BCLAF1: variants seen among roughly 807,000 people sequenced by gnomAD.
BCLAF1 encodes the protein BCL2 associated transcription factor 1, also known as bcl-2-associated transcription factor 1.
In BCLAF1, 10 loss-of-function variants were observed where a neutral mutation model predicts 99.5. That is an observed-to-expected ratio of 0.10 (90% CI 0.06 to 0.17). The LOEUF (loss-of-function observed/expected upper bound fraction) is 0.17, where lower values mean the gene tolerates loss of function less well. BCLAF1 is among the 10% of genes least tolerant of loss of function. The pLI, the probability that BCLAF1 is intolerant of heterozygous loss-of-function variation, is 1.00. For missense variants in BCLAF1, 636 were observed against 1,105.8 expected (o/e 0.58, Z 6.02); for synonymous variants, 255 against 370.9 (o/e 0.69, Z 3.59).
chr6:136,284,000 C>G (rs1296842924), intron 1 of BCLAF1, among the ~76,000 whole-genome samples: 1 of 151,764 alleles, frequency 6.6e-6, no homozygotes, highest in Admixed American at 6.6e-5. Flanking sequence ...TAAAACTATT[C>G]TGACCTGGAA....
chr6:136,269,400 G>C lies in BCLAF1; in HGVS notation c.2219+37C>G, dbSNP rs772746385. On this transcript the variant is annotated intron_variant, in intron 9 of 12. Transcript: ENST00000531224. ...GCTGACAATTATTAAAGGCTAATTA[G>C]AAGCTAAAACCTATCTTAGTCAGTT... 21 of 1,585,720 alleles carry C rather than the reference G, an allele frequency of 1.3e-5. No individual in the cohort carries two copies. In the South Asian group the frequency reaches 2.4e-4, roughly 18 times the overall value.
rs189179901 is a variant in BCLAF1 at position 136,276,010 on chromosome 6, G to C, written c.1515C>G (p.Leu505=). The C allele has an allele frequency of 6.2e-7, 1 of 1,610,742 alleles. No individual in the cohort carries two copies. The highest frequency in any genetic ancestry group is 1.3e-5 in the African/African-American group (1 of 74,508). Residue 505 remains leucine (L), a synonymous_variant, in exon 5 of 13, where the codon CTC becomes CTG. Transcript: ENST00000531224. ...QSPEQVKSEK[L]KDLFDYSPPL... ...GGGGACTGTAATCAAAGAGGTCTTT[G>C]AGCTTTTCAGACTTTACCTGCTCAG...
Position 136,282,005 on chromosome 6 carries a change from A to C in BCLAF1, c.-11+579T>G, listed in dbSNP as rs1484704365. 2.0e-5 allele frequency among the ~76,000 whole-genome samples: 3 copies of C among 152,236 alleles called. No individual in the cohort carries two copies. In the East Asian group the frequency reaches 5.8e-4, roughly 29 times the overall value. Reference sequence around the variant, plus strand: ...ATGCCTATCAAATAGTTAGCAGTCCAAAAGAAATGGATTGATATCTTCTGC... The same window carrying C: ...ATGCCTATCAAATAGTTAGCAGTCCCAAAGAAATGGATTGATATCTTCTGC... On this transcript the variant is annotated intron_variant, in intron 2 of 12. Transcript: ENST00000531224.
intron 9 of BCLAF1, chr6:136,268,567 A>T (rs1196488718): frequency 2.2e-6 from 1 of 463,620 alleles, no homozygotes; most frequent in Non-Finnish European, 3.8e-6. Context: ...GTTAGAAAAT[A>T]GTAGTCTGTA....
intron 6 of BCLAF1, 162 bp from the exon 7 acceptor site, chr6:136,273,349 T>C (rs550399023): frequency 1.0e-5 from 6 of 593,738 alleles, no homozygotes; most frequent in Admixed American, 6.7e-5. Flanking sequence ...CAATTTCTTG[T>C]ACCTCAACAG....
intron 3 of BCLAF1, 120 bp from the exon 4 acceptor site, chr6:136,278,896 A>C: frequency 3.9e-6 from 4 of 1,033,668 alleles, no homozygotes; most frequent in Non-Finnish European, 5.3e-6. Flanking sequence ...CTTTTTTAAA[A>C]AACTCATCTG....
In BCLAF1 at chr6:136,257,744, T is replaced by TGC. The variant is rs1385589114; in HGVS notation, c.*3364_*3365dup. On this transcript the variant is annotated 3_prime_UTR_variant, in exon 13 of 13. Transcript: ENST00000531224. ...TGACAATGAAGTTTATTCCTCCATT[T>TGC]GCCTTTCCTCTTCAACTCTGTAAAT... is the stretch of plus-strand genomic sequence containing the variant. The TGC allele has an allele frequency of 6.6e-6, 1 of 152,164 alleles. No homozygotes were observed. The highest frequency in any genetic ancestry group is 2.4e-5 in the African/African-American group (1 of 41,464). The allele number at this position is 152,164 out of a possible 1,614,324, so 9.4% of individuals were successfully genotyped here.
At chr6:136,261,572 T>C in intron 11 of BCLAF1, 95 bp from the exon 12 acceptor site, 1 of 1,277,362 alleles carries the variant, frequency 7.8e-7, no homozygotes, top group South Asian at 1.4e-5. Context: ...TTCTGAAGAT[T>C]GGGTATATGA....
rs1364309325 is a variant in BCLAF1 at position 136,256,676 on chromosome 6, T to TAAATA, written c.*4429_*4433dup. On this transcript the variant is annotated 3_prime_UTR_variant, in exon 13 of 13. Coordinates refer to ENST00000531224, the MANE Select transcript of BCLAF1 (RefSeq NM_014739.3). ...CTGGGTAAGACTCCATCTCAATAAA[T>TAAATA]AAATAAATAAATAAATAAATAAATA... 3.3e-5 allele frequency: 5 copies of TAAATA among 150,582 alleles called. No homozygotes were observed. The highest frequency in any genetic ancestry group is 6.6e-5 in the Non-Finnish European group (5 of 75,752). The allele number at this position is 150,582 out of a possible 1,614,324, so 9.3% of individuals were successfully genotyped here. A position where few individuals can be genotyped will look rare whatever the true frequency, so the allele number is the denominator to read the frequency against.
In BCLAF1 at chr6:136,273,309, A is replaced by G. The variant is rs1379296861; in HGVS notation, c.1853-122T>C. ...AAAATAAGAAACCTAGCAAAAGAGA[A>G]TCAAGTGTTACAAGGAACTCCTACC... On this transcript the variant is annotated intron_variant, in intron 6 of 12. Coordinates refer to ENST00000531224, the MANE Select transcript of BCLAF1 (RefSeq NM_014739.3). The G allele has an allele frequency of 1.4e-4, 113 of 817,594 alleles. 1 individual carries two copies. In the East Asian group the frequency reaches 2.8e-3, roughly 21 times the overall value. 50.6% of individuals were successfully genotyped at this position (817,594 alleles called of 1,614,324 possible). A position where few individuals can be genotyped will look rare whatever the true frequency, so the allele number is the denominator to read the frequency against.
In BCLAF1 at chr6:136,260,700, C is replaced by T. The variant is rs1480766784; in HGVS notation, c.*410G>A. On this transcript the variant is annotated 3_prime_UTR_variant, in exon 13 of 13. Transcript: ENST00000531224. ...ATACAGTTAAAATAATTAGTGTAGTCTCTATAAACAATTTCTGTTCCAGGA... is the reference window on the plus strand; with the variant it reads ...ATACAGTTAAAATAATTAGTGTAGTTTCTATAAACAATTTCTGTTCCAGGA... 4.4e-6 allele frequency: 1 copy of T among 228,772 alleles called. No homozygotes were observed. Among genetic ancestry groups the T allele is most frequent in the Non-Finnish European group, 8.4e-6 (1 of 119,208 alleles). 14.2% of individuals were successfully genotyped at this position (228,772 alleles called of 1,614,324 possible). A position where few individuals can be genotyped will look rare whatever the true frequency, so the allele number is the denominator to read the frequency against.
At chr6:136,261,583 G>A in intron 11 of BCLAF1, 106 bp from the exon 12 acceptor site, 1 of 1,150,578 alleles carries the variant, frequency 8.7e-7, no homozygotes, top group Admixed American at 2.4e-5. Context: ...GGGTATATGA[G>A]ATTGGTAATA....
rs1780514641 is a variant in BCLAF1, at chr6:136,257,047, T to G, written c.*4063A>C. On this transcript the variant is annotated 3_prime_UTR_variant, in exon 13 of 13. Transcript: ENST00000531224. Reference sequence around the variant, plus strand: ...GGCAGAGCTCATTATTAATGAAATCTGGAAGCTGGCCAACCCCAAAAGATT... The same window carrying G: ...GGCAGAGCTCATTATTAATGAAATCGGGAAGCTGGCCAACCCCAAAAGATT... The G allele has an allele frequency of 6.6e-6, 1 of 152,200 alleles. No homozygotes were observed. The highest frequency in any genetic ancestry group is 2.4e-5 in the African/African-American group (1 of 41,450). 9.4% of individuals were successfully genotyped at this position (152,200 alleles called of 1,614,324 possible).
intron 2 of BCLAF1, 27 bp from the exon 3 acceptor site, chr6:136,279,903 G>A: frequency 7.0e-7 from 1 of 1,426,268 alleles, no homozygotes. Context: ...GCAAAAAAAG[G>A]TTAAAATTAC....
chr6:136,273,048 A>C, intron 7 of BCLAF1, 34 bp downstream of exon 7: 1 of 1,520,050 alleles, frequency 6.6e-7, no homozygotes, highest in Non-Finnish European at 9.0e-7. Context: ...TATCAAAACA[A>C]CGTTTTTATA....
Position 136,276,110 on chromosome 6 carries a change from C to T in BCLAF1, c.1415G>A (p.Ser472Asn). The T allele has an allele frequency of 3.1e-6, 5 of 1,612,366 alleles. No homozygotes were observed. Among genetic ancestry groups the T allele is most frequent in the East Asian group, 4.5e-5 (2 of 44,850 alleles). ...TTCTTTGTGCTTATCTTTTGTAGTG[C>T]TAGGCCTTTCCACTACATATCCAGT... ...KETGYVVERPSTTKDKHKEED... is the reference protein window; with the variant it reads ...KETGYVVERPNTTKDKHKEED... Residue 472 changes from serine (S) to asparagine (N), a missense_variant, in exon 5 of 13, where the codon AGC (serine) becomes AAC (asparagine). This residue lies in a region of BCLAF1 where 186 missense variants were observed against 275.3 expected (regional missense o/e 0.68). Transcript: ENST00000531224.
intron 1 of BCLAF1, among the ~76,000 whole-genome samples, chr6:136,284,835 G>C (rs1457860031): frequency 2.0e-5 from 3 of 152,226 alleles, no homozygotes; most frequent in South Asian, 4.1e-4. Flanking sequence ...ACATTGGAGG[G>C]GGGGGAAAAG....
At chr6:136,274,301 TAAA>T (rs5880289) in intron 6 of BCLAF1, 8 of 183,786 alleles carry the variant, frequency 4.4e-5, no homozygotes, top group Admixed American at 6.9e-5. Flanking sequence ...ACAGTTCTTT[TAAA>T]AAAAAAAAAA....
chr6:136,274,791 G>A (rs1783026159), intron 6 of BCLAF1, among the ~76,000 whole-genome samples: 4 of 151,730 alleles, frequency 2.6e-5, no homozygotes, highest in Admixed American at 2.0e-4. Context: ...AGACATACTT[G>A]AAAATCTTTG....
Sources: allele counts gnomAD v4.1 joint callset (sites outside exome capture counted in the v4.1 genomes callset), GRCh38; gene constraint gnomAD v4.1.1; regional missense constraint gnomAD v4.1.1; transcripts MANE v1.5; gene names NCBI Gene and HGNC (gene_info 2026-07-23, HGNC 2026-07-21).